Variants in AASS observed in about 807,000 individuals in gnomAD.
AASS encodes the protein aminoadipate-semialdehyde synthase.
In AASS, 86 loss-of-function variants were observed where a neutral mutation model predicts 105.4. The observed-to-expected ratio is 0.82, with a 90% CI of 0.69 to 0.98. The LOEUF is 0.98. Among genes scored for constraint, AASS ranks in the 50% least tolerant of loss-of-function variants. The pLI, the probability that AASS is intolerant of heterozygous loss-of-function variation, is 0.00. For missense variants in AASS, 1,048 were observed against 1,143.2 expected, an observed-to-expected ratio of 0.92 and a Z score of 1.20; for synonymous variants, 381 against 394.8, an observed-to-expected ratio of 0.96 and a Z score of 0.41.
At chr7:122,113,868 G>A (rs1795046418) in intron 9 of AASS, 148 bp from the exon 10 acceptor site, 1 of 750,612 alleles carries the variant, frequency 1.3e-6, no homozygotes, top group Admixed American at 2.3e-5. Context: ...TCATTCTTCA[G>A]GACTCTGCAC....
rs927721503 is a variant in AASS at position 122,114,444 on chromosome 7, C to T, written c.1043+630G>A. 3.3e-5 allele frequency among the ~76,000 whole-genome samples: 5 copies of T among 152,136 alleles called. No individual in the cohort carries two copies. In the East Asian group the frequency reaches 9.6e-4, roughly 29 times the overall value. ...TAGAAAAGCAGACATATCTTTTACTCTTCCACAAATATTAATTAATTAATT... is the reference window on the plus strand; with the variant it reads ...TAGAAAAGCAGACATATCTTTTACTTTTCCACAAATATTAATTAATTAATT... On this transcript the variant is annotated intron_variant, in intron 9 of 23. Coordinates refer to ENST00000417368, the MANE Select transcript of AASS (RefSeq NM_005763.4).
intron 1 of AASS, among the ~76,000 whole-genome samples, chr7:122,137,859 G>A (rs1024754366): frequency 6.6e-6 from 1 of 152,158 alleles, no homozygotes; most frequent in African/African-American, 2.4e-5. Context: ...GGAAGATCAG[G>A]GTTTACTCAC....
chr7:122,111,579 T>C (rs1042452118), intron 11 of AASS, among the ~76,000 whole-genome samples: 3 of 152,222 alleles, frequency 2.0e-5, no homozygotes, highest in Non-Finnish European at 2.9e-5. Flanking sequence ...TTTACCATTA[T>C]AAAATTTTAG....
intron 3 of AASS, among the ~76,000 whole-genome samples, 199 bp from the exon 4 acceptor site, chr7:122,126,658 A>C (rs1195230413): frequency 6.6e-6 from 1 of 152,148 alleles, no homozygotes; most frequent in Non-Finnish European, 1.5e-5. Flanking sequence ...TGTAATTAGA[A>C]ATGAAAAAAT....
At chr7:122,079,857 A>C in intron 20 of AASS, 145 bp from the exon 21 acceptor site, 2 of 645,682 alleles carry the variant, frequency 3.1e-6, no homozygotes, top group East Asian at 2.8e-5. Flanking sequence ...AAATTGTAAC[A>C]CATACACACA....
intron 21 of AASS, 104 bp downstream of exon 21, chr7:122,079,493 C>A: frequency 9.1e-7 from 1 of 1,098,856 alleles, no homozygotes; most frequent in Non-Finnish European, 1.4e-6. Context: ...ATTAGAGCAA[C>A]GAATTAATCA....
At chr7:122,117,060 C>A in intron 6 of AASS, 103 bp from the exon 7 acceptor site, 1 of 1,018,990 alleles carries the variant, frequency 9.8e-7, no homozygotes, top group East Asian at 2.4e-5. Context: ...CATAGCTCCA[C>A]TTGCCTTCCC....
intron 4 of AASS, among the ~76,000 whole-genome samples, chr7:122,124,801 GTCA>G (rs1181062234): frequency 1.3e-5 from 2 of 152,152 alleles, no homozygotes; most frequent in Non-Finnish European, 2.9e-5. Flanking sequence ...AGGAATCATA[GTCA>G]TCAGAGGTCT....
At chr7:122,102,816 TA>T (rs930951046) in intron 11 of AASS, among the ~76,000 whole-genome samples, 1 of 151,922 alleles carries the variant, frequency 6.6e-6, no homozygotes, top group Non-Finnish European at 1.5e-5. Context: ...GAGTCATCTC[TA>T]AAATTTTGAA....
chr7:122,127,231 A>G (rs1023252186), intron 3 of AASS, among the ~76,000 whole-genome samples: 2 of 152,140 alleles, frequency 1.3e-5, no homozygotes, highest in African/African-American at 4.8e-5. Flanking sequence ...CACTAAAAAC[A>G]TATTCTTCCT....
intron 8 of AASS, 133 bp from the exon 9 acceptor site, chr7:122,115,355 G>T: frequency 2.5e-6 from 3 of 1,200,180 alleles, no homozygotes; most frequent in Non-Finnish European, 3.6e-6. Flanking sequence ...TATTGTCCAT[G>T]TCAGTGTCCA....
At chr7:122,120,724 C>T (rs1584880072) in intron 4 of AASS, among the ~76,000 whole-genome samples, 1 of 151,748 alleles carries the variant, frequency 6.6e-6, no homozygotes, top group Non-Finnish European at 1.5e-5. Flanking sequence ...TACTTTATAC[C>T]CCACACATTT....
At chr7:122,090,001 G>C (rs1466225440) in intron 18 of AASS, among the ~76,000 whole-genome samples, 2 of 152,206 alleles carry the variant, frequency 1.3e-5, no homozygotes, top group African/African-American at 4.8e-5. Flanking sequence ...CATGTAAAAG[G>C]ATGTGTGCTT....
At chr7:122,138,863 G>T (rs1796266440) in intron 1 of AASS, among the ~76,000 whole-genome samples, 1 of 152,046 alleles carries the variant, frequency 6.6e-6, no homozygotes, top group South Asian at 2.1e-4. Flanking sequence ...ACAGAGCTCG[G>T]CACTCCATAC....
At chr7:122,133,930 T>C (rs1796028008) in intron 1 of AASS, 189 bp from the exon 2 acceptor site, 2 of 611,290 alleles carry the variant, frequency 3.3e-6, no homozygotes, top group Non-Finnish European at 5.8e-6. Flanking sequence ...AACAAGATTA[T>C]TTAACTGCAA....
chr7:122,141,274 A>C (rs1796382795), intron 1 of AASS, among the ~76,000 whole-genome samples: 2 of 152,136 alleles, frequency 1.3e-5, no homozygotes, highest in Admixed American at 6.6e-5. Flanking sequence ...TGGTCTGAGA[A>C]TTTTCATATT....
At chr7:122,086,200 A>G in intron 18 of AASS, 21 bp from the exon 19 acceptor site, 2 of 1,612,524 alleles carry the variant, frequency 1.2e-6, no homozygotes, top group South Asian at 1.1e-5. Flanking sequence ...TTGAGAAGGC[A>G]CACATGGGGT....
intron 11 of AASS, among the ~76,000 whole-genome samples, chr7:122,110,498 A>G (rs1794882683): frequency 6.6e-6 from 1 of 151,976 alleles, no homozygotes; most frequent in South Asian, 2.1e-4. Context: ...AACTAAAAAA[A>G]GAAACAAACA....
At chr7:122,088,713 T>C (rs532967015) in intron 18 of AASS, among the ~76,000 whole-genome samples, 1 of 152,160 alleles carries the variant, frequency 6.6e-6, no homozygotes, top group African/African-American at 2.4e-5. Context: ...AGAAAACTTA[T>C]CTTAAAGCGA....
Sources: gnomAD v4.1 joint callset for allele counts (sites outside exome capture counted in the v4.1 genomes callset) on GRCh38, gnomAD v4.1.1 for gene constraint, MANE v1.5 for transcripts, NCBI Gene and HGNC (gene_info 2026-07-23, HGNC 2026-07-21) for gene names.